The following CEP89 variants were observed in gnomAD, a reference collection of about 807,000 sequenced individuals.
The protein encoded by CEP89 is centrosomal protein of 89 kDa.
A neutral mutation model predicts 97.6 loss-of-function variants in CEP89; 95 were observed. The ratio of observed to expected loss-of-function variants is 0.97; its 90% CI spans 0.82 to 1.15. The LOEUF is 1.15. Ranked by LOEUF, CEP89 falls within the 50% of genes most tolerant of loss-of-function variation. The pLI is 0.00. For synonymous variants in CEP89, 354 were observed against 349.1 expected (o/e 1.01, Z -0.16); for missense variants, 869 against 947.7 (o/e 0.92, Z 1.09).
At chr19:32,921,781 G>A (rs1316993158) in intron 12 of CEP89, among the ~76,000 whole-genome samples, 1 of 152,160 alleles carries the variant, frequency 6.6e-6, no homozygotes, top group Non-Finnish European at 1.5e-5. Flanking sequence ...AGCTCAGCCA[G>A]GGAGGTCACA....
chr19:32,931,971 G>A (rs2145929120), intron 8 of CEP89, among the ~76,000 whole-genome samples: 1 of 152,288 alleles, frequency 6.6e-6, no homozygotes, highest in African/African-American at 2.4e-5. Context: ...CACGAGGTGA[G>A]GAGATCGAGA....
intron 2 of CEP89, among the ~76,000 whole-genome samples, chr19:32,964,400 A>G (rs868797153): frequency 1.3e-5 from 2 of 152,094 alleles, no homozygotes; most frequent in Non-Finnish European, 2.9e-5. Flanking sequence ...TCAAACTACT[A>G]AGCTCAGGTG....
chr19:32,881,623 T>C (rs373101897), intron 18 of CEP89, among the ~76,000 whole-genome samples: 13 of 152,182 alleles, frequency 8.5e-5, no homozygotes, highest in Non-Finnish European at 1.5e-4. Flanking sequence ...GAGGTGTGCA[T>C]TGATTCCGGA....
intron 13 of CEP89, 70 bp from the exon 14 acceptor site, chr19:32,915,587 G>T (rs35219657): frequency 7.5e-6 from 10 of 1,337,886 alleles, no homozygotes; most frequent in Middle Eastern, 1.8e-4. Context: ...TGGGCTATTA[G>T]GAAATACTAA....
chr19:32,954,108 C>A (rs1970996653), intron 3 of CEP89, among the ~76,000 whole-genome samples: 1 of 151,930 alleles, frequency 6.6e-6, no homozygotes, highest in Admixed American at 6.6e-5. Flanking sequence ...CTCCTGACCT[C>A]GTGATCCGCC....
intron 17 of CEP89, among the ~76,000 whole-genome samples, chr19:32,883,704 C>A (rs1029039403): frequency 6.6e-6 from 1 of 152,038 alleles, no homozygotes; most frequent in Non-Finnish European, 1.5e-5. Flanking sequence ...CAAATGCCTA[C>A]ATTATTTCTA....
chr19:32,919,834 C>G (rs1970210997), intron 12 of CEP89, among the ~76,000 whole-genome samples: 1 of 152,138 alleles, frequency 6.6e-6, no homozygotes, highest in African/African-American at 2.4e-5. Context: ...TTGGTAGAGA[C>G]AGGGTTTCAC....
intron 14 of CEP89, among the ~76,000 whole-genome samples, chr19:32,911,076 G>A (rs1392062755): frequency 6.6e-6 from 1 of 152,210 alleles, no homozygotes; most frequent in Non-Finnish European, 1.5e-5. Context: ...GTTTACACCA[G>A]CATCACCACA....
intron 9 of CEP89, chr19:32,931,098 C>A: frequency 2.8e-6 from 1 of 362,884 alleles, no homozygotes; most frequent in Non-Finnish European, 4.9e-6. Context: ...CCATGTCCCC[C>A]AGGATGGTCT....
At chr19:32,949,813 T>C (rs1190920411) in intron 4 of CEP89, among the ~76,000 whole-genome samples, 2 of 151,984 alleles carry the variant, frequency 1.3e-5, no homozygotes, top group East Asian at 3.9e-4. Flanking sequence ...CTGCAGGCAA[T>C]GGAAGGGCTG....
At chr19:32,958,542 G>T (rs915502713) in intron 3 of CEP89, among the ~76,000 whole-genome samples, 6 of 151,720 alleles carry the variant, frequency 4.0e-5, no homozygotes, top group African/African-American at 7.3e-5. Flanking sequence ...AGCCGGGAGA[G>T]GTGGCACACG....
At chr19:32,939,225 C>T (rs763233737) in intron 6 of CEP89, among the ~76,000 whole-genome samples, 5 of 151,116 alleles carry the variant, frequency 3.3e-5, no homozygotes, top group African/African-American at 9.7e-5. Flanking sequence ...CACTCCAGCC[C>T]GGGTCACAGA....
At chr19:32,948,217 T>C in intron 5 of CEP89, 49 bp downstream of exon 5, 2 of 1,085,492 alleles carry the variant, frequency 1.8e-6, no homozygotes, top group Non-Finnish European at 2.7e-6. Flanking sequence ...ATATTCATTA[T>C]GAAAAAATGT....
chr19:32,929,601 T>TA (rs71338599), intron 9 of CEP89, among the ~76,000 whole-genome samples: 24,632 of 140,992 alleles, frequency 0.17, 2,090 homozygotes, highest in East Asian at 0.19. Context: ...AGACTGTGTC[T>TA]AAAAAAAAAA....
intron 17 of CEP89, among the ~76,000 whole-genome samples, chr19:32,883,546 A>G (rs1195447808): frequency 3.3e-5 from 5 of 151,994 alleles, no homozygotes; most frequent in African/African-American, 4.8e-5. Flanking sequence ...GCGTGGTGGC[A>G]CATCTGTAAT....
chr19:32,888,640 G>C (rs1349861316), intron 16 of CEP89, among the ~76,000 whole-genome samples: 1 of 149,944 alleles, frequency 6.7e-6, no homozygotes, highest in Non-Finnish European at 1.5e-5. Flanking sequence ...CTGAGATCGC[G>C]CCACCGCACT....
At chr19:32,954,101 C>A (rs1337100387) in intron 3 of CEP89, among the ~76,000 whole-genome samples, 1 of 151,960 alleles carries the variant, frequency 6.6e-6, no homozygotes, top group Non-Finnish European at 1.5e-5. Context: ...TCTCGATCTC[C>A]TGACCTCGTG....
At chr19:32,945,281 T>C (rs1470022296) in intron 5 of CEP89, among the ~76,000 whole-genome samples, 1 of 102,382 alleles carries the variant, frequency 9.8e-6, no homozygotes, top group Admixed American at 1.2e-4. Context: ...TGAAACTATG[T>C]TTCAAAAAAA....
At position 32,971,938 on chromosome 19, in the gene CEP89, G is replaced by T; in HGVS notation, c.-64C>A. On this transcript the variant is annotated 5_prime_UTR_variant, in exon 1 of 19. Coordinates refer to ENST00000305768, the MANE Select transcript of CEP89 (RefSeq NM_032816.5). ...ATCAGCAGATCTATCCACAGCCAGG[G>T]ACCACTCCCTAAAGCCCGCCGCAGG... 1.3e-6 allele frequency: 2 copies of T among 1,537,084 alleles called. No homozygotes were observed. The highest frequency in any genetic ancestry group is 2.4e-5 in the South Asian group (2 of 84,588).
Sources: gnomAD v4.1 joint callset for allele counts (sites outside exome capture counted in the v4.1 genomes callset) on GRCh38, gnomAD v4.1.1 for gene constraint, MANE v1.5 for transcripts, NCBI Gene and HGNC (gene_info 2026-07-23, HGNC 2026-07-21) for gene names.